ANTXR1: variants seen among roughly 807,000 people sequenced by gnomAD.
ANTXR1 encodes the protein ANTXR cell adhesion molecule 1.
In ANTXR1, 19 loss-of-function variants were observed where a neutral mutation model predicts 78.1. The ratio of observed to expected loss-of-function variants is 0.24; its 90% CI spans 0.17 to 0.36. The LOEUF (loss-of-function observed/expected upper bound fraction) is 0.36. Among genes scored for constraint, ANTXR1 ranks in the 10% least tolerant of loss-of-function variants. The pLI, the probability that ANTXR1 is intolerant of heterozygous loss-of-function variation, is 1.00. For missense variants in ANTXR1, 518 were observed against 718.6 expected, an observed-to-expected ratio of 0.72 and a Z score of 3.19; for synonymous variants, 273 against 260.5, an observed-to-expected ratio of 1.05 and a Z score of -0.46.
At chr2:69,189,014 G>A (rs1289853543) in intron 16 of ANTXR1, among the ~76,000 whole-genome samples, 1 of 152,160 alleles carries the variant, frequency 6.6e-6, no homozygotes, top group Non-Finnish European at 1.5e-5. Context: ...TCTGATTTTG[G>A]TTGTAAACAC....
chr2:69,112,733 G>A (rs552807765), intron 10 of ANTXR1, among the ~76,000 whole-genome samples: 3 of 152,266 alleles, frequency 2.0e-5, no homozygotes, highest in African/African-American at 7.2e-5. Flanking sequence ...TGAACTTCAG[G>A]AGCATTTTGT....
At chr2:69,116,238 A>AC (rs368314369) in intron 10 of ANTXR1, among the ~76,000 whole-genome samples, 6 of 152,132 alleles carry the variant, frequency 3.9e-5, no homozygotes, top group South Asian at 2.1e-4. Flanking sequence ...TTGTAATAAG[A>AC]CCCCCCTAAC....
At chr2:69,179,524 C>CAAAAAAA (rs59914010) in intron 14 of ANTXR1, among the ~76,000 whole-genome samples, 1 of 135,842 alleles carries the variant, frequency 7.4e-6, no homozygotes, top group African/African-American at 2.7e-5. Context: ...ACCCTGTCTC[C>CAAAAAAA]AAAAAAAAAA....
chr2:69,152,387 C>T (rs1280457715), intron 13 of ANTXR1, 123 bp downstream of exon 13: 34 of 963,226 alleles, frequency 3.5e-5, no homozygotes, highest in South Asian at 1.5e-4. Context: ...ATTTTTTATA[C>T]AATTTATACA....
At chr2:69,204,418 CAGACCCTTCATTTT>C (rs1674846428) in intron 17 of ANTXR1, among the ~76,000 whole-genome samples, 2 of 152,174 alleles carry the variant, frequency 1.3e-5, no homozygotes, top group Admixed American at 1.3e-4. Flanking sequence ...CTCATAATCC[CAGACCCTTCATTTT>C]AGAGGCACCA....
At chr2:69,122,863 C>T (rs1007878340) in intron 10 of ANTXR1, among the ~76,000 whole-genome samples, 154 bp from the exon 11 acceptor site, 10 of 151,950 alleles carry the variant, frequency 6.6e-5, no homozygotes, top group South Asian at 2.1e-4. Flanking sequence ...TCTGTCCTTG[C>T]GATAGTTTGC....
At chr2:69,204,180 C>T (rs951186801) in intron 17 of ANTXR1, among the ~76,000 whole-genome samples, 6 of 152,148 alleles carry the variant, frequency 3.9e-5, no homozygotes, top group African/African-American at 1.4e-4. Flanking sequence ...CGTGATGGGC[C>T]TCAATTAAGA....
intron 14 of ANTXR1, chr2:69,172,431 C>A (rs1209189251): frequency 1.2e-6 from 2 of 1,600,556 alleles, no homozygotes; most frequent in South Asian, 2.2e-5. Flanking sequence ...TAACCTAACA[C>A]AGCCCGTGCA....
At chr2:69,052,856 T>C (rs572635835) in intron 3 of ANTXR1, among the ~76,000 whole-genome samples, 13 of 150,780 alleles carry the variant, frequency 8.6e-5, no homozygotes, top group African/African-American at 3.2e-4. Context: ...TTTATTTTGT[T>C]TTTGCTTCTG....
intron 10 of ANTXR1, among the ~76,000 whole-genome samples, chr2:69,118,655 C>T (rs759768692): frequency 3.9e-5 from 6 of 152,104 alleles, no homozygotes; most frequent in Non-Finnish European, 5.9e-5. Context: ...AGGAGTGGAT[C>T]GCGGCCCCAC....
intron 16 of ANTXR1, among the ~76,000 whole-genome samples, chr2:69,190,645 T>G (rs1674523807): frequency 6.6e-6 from 1 of 152,190 alleles, no homozygotes; most frequent in African/African-American, 2.4e-5. Context: ...ATGAAACTAC[T>G]CATCTAACCC....
intron 6 of ANTXR1, among the ~76,000 whole-genome samples, chr2:69,073,684 TTG>T (rs1373793295): frequency 6.6e-6 from 1 of 152,220 alleles, no homozygotes; most frequent in Non-Finnish European, 1.5e-5. Context: ...AGATTTTACC[TTG>T]TATAAATAGA....
At chr2:69,191,286 C>A (rs191707722) in intron 16 of ANTXR1, among the ~76,000 whole-genome samples, 39 of 152,280 alleles carry the variant, frequency 2.6e-4, no homozygotes, top group African/African-American at 9.4e-4. Flanking sequence ...CACAAGAACT[C>A]AAACAACAGT....
chr2:69,203,797 T>A (rs993201967), intron 17 of ANTXR1, among the ~76,000 whole-genome samples: 3 of 152,116 alleles, frequency 2.0e-5, no homozygotes, highest in Non-Finnish European at 4.4e-5. Context: ...TTCTTTCAAT[T>A]TCAACTTGTA....
intron 1 of ANTXR1, among the ~76,000 whole-genome samples, chr2:69,025,311 C>G (rs1671308925): frequency 6.6e-6 from 1 of 152,174 alleles, no homozygotes; most frequent in Admixed American, 6.5e-5. Context: ...TTCAGAATCT[C>G]CTAACCCCAT....
At position 69,174,189 on chromosome 2, in the gene ANTXR1, C is replaced by T. The variant is rs146405731; in HGVS notation, c.1089+3900C>T. On this transcript the variant is annotated intron_variant, in intron 14 of 17. Transcript: ENST00000303714. ...AGGTCTTAGAATCTGACTTGAGGGACATTAGAGAAGTCAAATAGGGTAGAG... is the reference window on the plus strand; with the variant it reads ...AGGTCTTAGAATCTGACTTGAGGGATATTAGAGAAGTCAAATAGGGTAGAG... Among the ~76,000 whole-genome samples the T allele has an allele frequency of 1.9e-3, 296 of 152,292 alleles. 2 individuals are homozygous for T. Among genetic ancestry groups the T allele is most frequent in the Middle Eastern group, 6.8e-3 (2 of 294 alleles).
intron 3 of ANTXR1, among the ~76,000 whole-genome samples, chr2:69,048,502 A>G (rs748424881): frequency 6.6e-6 from 1 of 151,932 alleles, no homozygotes; most frequent in African/African-American, 2.4e-5. Flanking sequence ...ATTCTTTTTT[A>G]TTTAAATTAG....
intron 17 of ANTXR1, among the ~76,000 whole-genome samples, chr2:69,221,725 G>A (rs1331880898): frequency 6.6e-6 from 1 of 151,728 alleles, no homozygotes; most frequent in Non-Finnish European, 1.5e-5. Context: ...CCTCAAAATA[G>A]GAGATCCATT....
At chr2:69,164,217 C>A (rs928680076) in intron 13 of ANTXR1, among the ~76,000 whole-genome samples, 1 of 152,138 alleles carries the variant, frequency 6.6e-6, no homozygotes, top group African/African-American at 2.4e-5. Context: ...TAAGATGGCA[C>A]AATTAACCGT....
Sources: gnomAD v4.1 joint callset for allele counts (sites outside exome capture counted in the v4.1 genomes callset) on GRCh38, gnomAD v4.1.1 for gene constraint, MANE v1.5 for transcripts, NCBI Gene and HGNC (gene_info 2026-07-23, HGNC 2026-07-21) for gene names.